CCDC3: variants seen among roughly 807,000 people sequenced by gnomAD.
CCDC3 encodes the protein coiled-coil domain-containing protein 3.
CCDC3 carries 24 observed loss-of-function variants against 21.4 expected under a neutral mutation model. That is an observed-to-expected ratio of 1.12 (90% CI 0.81 to 1.58). CCDC3 has a LOEUF of 1.58. Among genes scored for constraint, CCDC3 ranks in the 40% most tolerant of loss-of-function variants. CCDC3 has a pLI of 0.00. For synonymous variants in CCDC3, 186 were observed against 166.0 expected (o/e 1.12, Z -0.93); for missense variants, 425 against 360.9 (o/e 1.18, Z -1.44).
chr10:13,031,575 T>G (rs576101661), intron 5 of CCDC3, among the ~76,000 whole-genome samples: 1 of 151,150 alleles, frequency 6.6e-6, no homozygotes, highest in African/African-American at 2.4e-5. Context: ...TTTGAAAAAA[T>G]CGACAAAATA....
intron 4 of CCDC3, among the ~76,000 whole-genome samples, chr10:13,073,269 G>A (rs1212609184): frequency 6.6e-6 from 1 of 152,100 alleles, no homozygotes; most frequent in African/African-American, 2.4e-5. Flanking sequence ...TCTCTTTGGT[G>A]GTGGCCTCTG....
chr10:13,096,819 G>A (rs984547249), intron 3 of CCDC3, among the ~76,000 whole-genome samples: 3 of 152,082 alleles, frequency 2.0e-5, no homozygotes, highest in African/African-American at 7.2e-5. Flanking sequence ...ATGCTCATAA[G>A]ACCACCATCC....
rs1292560376 is a variant in CCDC3 at position 12,896,952 on chromosome 10, C to T, written c.*1464G>A. 4 of 152,372 alleles carry T rather than the reference C, an allele frequency of 2.6e-5. No homozygotes were observed. Among genetic ancestry groups the T allele is most frequent in the Non-Finnish European group, 4.4e-5 (3 of 68,174 alleles). The allele number at this position is 152,372 out of a possible 1,614,324, so 9.4% of individuals were successfully genotyped here. A position where few individuals can be genotyped will look rare whatever the true frequency, so the allele number is the denominator to read the frequency against. ...CGTGGACAGCAGCCTGCCACCAAGACTCAAGCAACGTAAGAGTCATCTCCC... is the reference window on the plus strand; with the variant it reads ...CGTGGACAGCAGCCTGCCACCAAGATTCAAGCAACGTAAGAGTCATCTCCC... On this transcript the variant is annotated 3_prime_UTR_variant, in exon 3 of 3. Transcript: ENST00000378825.
Position 13,032,622 on chromosome 10 carries a change from G to A in CCDC3, c.-2+17052C>T, listed in dbSNP as rs190990552. Among the ~76,000 whole-genome samples the A allele has an allele frequency of 6.7e-3, 1,017 of 152,158 alleles. 18 individuals carry two copies. The highest frequency in any genetic ancestry group is 0.023 in the African/African-American group (950 of 41,502). On this transcript the variant is annotated intron_variant, in intron 5 of 6. Transcript: ENST00000378839. The stretch of plus-strand genomic sequence containing the variant: ...ATCTCAGCCCAAAATCTCCTTAAGC[G>A]GATAAGCAACTTCAGCAAAGTCTCA...
chr10:12,981,093 G>T (rs946117474), intron 2 of CCDC3, among the ~76,000 whole-genome samples: 2 of 150,810 alleles, frequency 1.3e-5, no homozygotes, highest in Middle Eastern at 3.5e-3. Context: ...GGCTGGTCTT[G>T]AACTCCTGGC....
At chr10:12,925,655 T>A (rs1364989454) in intron 2 of CCDC3, among the ~76,000 whole-genome samples, 1 of 152,236 alleles carries the variant, frequency 6.6e-6, no homozygotes, top group African/African-American at 2.4e-5. Context: ...TCACACAGAA[T>A]AAACTCTTCT....
intron 2 of CCDC3, among the ~76,000 whole-genome samples, chr10:12,993,285 A>G (rs1258121195): frequency 6.6e-6 from 1 of 152,190 alleles, no homozygotes; most frequent in Non-Finnish European, 1.5e-5. Context: ...TCTAGGTTCT[A>G]TTTTATAGAA....
intron 4 of CCDC3, among the ~76,000 whole-genome samples, chr10:13,071,720 G>A (rs948200133): frequency 6.6e-6 from 1 of 152,308 alleles, no homozygotes; most frequent in East Asian, 1.9e-4. Context: ...CGTACTCTGG[G>A]TGTTTGCTAG....
chr10:13,089,064 T>C (rs1034232398), intron 3 of CCDC3, among the ~76,000 whole-genome samples: 9 of 151,876 alleles, frequency 5.9e-5, no homozygotes, highest in African/African-American at 1.7e-4. Context: ...GAGATATATG[T>C]AGAACAGGTC....
At chr10:12,910,115 T>C (rs144562468) in intron 2 of CCDC3, among the ~76,000 whole-genome samples, 168 of 152,348 alleles carry the variant, frequency 1.1e-3, no homozygotes, top group Non-Finnish European at 2.1e-3. Flanking sequence ...GTCTGTTTAT[T>C]TGGGAGAATT....
intron 2 of CCDC3, among the ~76,000 whole-genome samples, chr10:12,968,889 A>G (rs913258889): frequency 6.6e-6 from 1 of 152,226 alleles, no homozygotes; most frequent in Non-Finnish European, 1.5e-5. Flanking sequence ...GAATCAAAGC[A>G]AACTATGAGA....
chr10:12,898,727 T>C, intron 2 of CCDC3, 48 bp from the exon 3 acceptor site: 2 of 1,596,292 alleles, frequency 1.3e-6, no homozygotes, highest in Non-Finnish European at 8.6e-7. Context: ...TCCCAGAAAC[T>C]GCGCTGCGGC....
chr10:13,001,340 G>T lies in CCDC3; in HGVS notation c.231C>A (p.Ala77=). 1 of 1,604,048 alleles carries T rather than the reference G, an allele frequency of 6.2e-7. No individual in the cohort carries two copies. The highest frequency in any genetic ancestry group is 8.5e-7 in the Non-Finnish European group (1 of 1,176,560). The change falls in exon 1 of 3, where the codon GCC becomes GCA. Residue 77 remains alanine (A), a synonymous_variant. Coordinates refer to ENST00000378825, the MANE Select transcript of CCDC3 (RefSeq NM_031455.4). ...HAGQGGLFYS[A]EVEMLCDQAW... The stretch of plus-strand genomic sequence containing the variant: ...CCTGGTCGCACAGCATCTCGACCTC[G>T]GCCGAGTAGAAGAGGCCCCCCTGGC...
rs1835855534 is a variant in CCDC3, at chr10:13,001,544, C to G, written c.27G>C (p.Ala9=). 1 of 1,272,260 alleles carries G rather than the reference C, an allele frequency of 7.9e-7. No homozygotes were observed. The highest frequency in any genetic ancestry group is 2.8e-5 in the South Asian group (1 of 36,204). 78.8% of individuals were successfully genotyped at this position (1,272,260 alleles called of 1,614,324 possible). A position where few individuals can be genotyped will look rare whatever the true frequency, so the allele number is the denominator to read the frequency against. ...GCGCTGGGGGACCCGCCAGGCAGAGCGCGGCGAGCAGCAGCTGGCGCAGCA... is the reference window on the plus strand; with the variant it reads ...GCGCTGGGGGACCCGCCAGGCAGAGGGCGGCGAGCAGCAGCTGGCGCAGCA... MLRQLLLA[A]LCLAGPPAPA... is the part of the protein sequence containing the mutation. Residue 9 remains alanine, a synonymous_variant, in exon 1 of 3, where the codon GCG becomes GCC. Coordinates refer to ENST00000378825, the MANE Select transcript of CCDC3 (RefSeq NM_031455.4).
chr10:13,093,118 T>C (rs1236899005), intron 3 of CCDC3, among the ~76,000 whole-genome samples: 1 of 152,008 alleles, frequency 6.6e-6, no homozygotes, highest in Non-Finnish European at 1.5e-5. Flanking sequence ...TGTATTAGTC[T>C]GTTTTCATGC....
chr10:13,007,419 C>T (rs990123471), intron 5 of CCDC3, among the ~76,000 whole-genome samples: 29 of 152,294 alleles, frequency 1.9e-4, no homozygotes, highest in African/African-American at 4.8e-4. Flanking sequence ...TACTCTCAAA[C>T]GCATCAAAAC....
At chr10:12,923,274 G>A (rs1374019517) in intron 2 of CCDC3, among the ~76,000 whole-genome samples, 3 of 152,120 alleles carry the variant, frequency 2.0e-5, no homozygotes, top group African/African-American at 7.2e-5. Flanking sequence ...ACCTTCAAAG[G>A]CAACCAGAGG....
intron 4 of CCDC3, among the ~76,000 whole-genome samples, chr10:13,068,134 G>A (rs943112993): frequency 1.3e-5 from 2 of 152,080 alleles, no homozygotes; most frequent in African/African-American, 4.8e-5. Context: ...ATGGAACCCC[G>A]GGAATTAAAT....
chr10:12,920,271 A>C (rs1447314545), intron 2 of CCDC3, among the ~76,000 whole-genome samples: 4 of 152,180 alleles, frequency 2.6e-5, no homozygotes, highest in African/African-American at 9.7e-5. Context: ...ATGAGACTTA[A>C]TCACTACCAG....
Sources: allele counts gnomAD v4.1 joint callset (sites outside exome capture counted in the v4.1 genomes callset), GRCh38; gene constraint gnomAD v4.1.1; transcripts MANE v1.5; gene names NCBI Gene and HGNC (gene_info 2026-07-23, HGNC 2026-07-21).